The following FUT9 variants were observed in gnomAD, a reference collection of about 807,000 sequenced individuals.
The protein encoded by FUT9 is fucosyltransferase 9.
In FUT9, 15 loss-of-function variants were observed where a neutral mutation model predicts 29.7. The ratio of observed to expected loss-of-function variants is 0.51; its 90% CI spans 0.34 to 0.78. The LOEUF is 0.78. Among genes scored for constraint, FUT9 ranks in the 30% least tolerant of loss-of-function variants. The probability of loss-of-function intolerance (pLI) is 0.01; values close to 1 mark genes in which losing one functional copy is unlikely to be tolerated. For missense variants in FUT9, 319 were observed against 425.4 expected, an observed-to-expected ratio of 0.75 and a Z score of 2.20; for synonymous variants, 169 against 153.7, an observed-to-expected ratio of 1.10 and a Z score of -0.74.
Position 96,210,546 on chromosome 6 carries a change from A to T in FUT9, c.*6311A>T, listed in dbSNP as rs1773918363. 6.0e-6 allele frequency: 1 copy of T among 166,852 alleles called. No homozygotes were observed. The highest frequency in any genetic ancestry group is 1.5e-5 in the Non-Finnish European group (1 of 68,010). The allele number at this position is 166,852 out of a possible 1,614,324, so 10.3% of individuals were successfully genotyped here. A position where few individuals can be genotyped will look rare whatever the true frequency, so the allele number is the denominator to read the frequency against. On this transcript the variant is annotated 3_prime_UTR_variant, in exon 3 of 3. Coordinates refer to ENST00000302103, the MANE Select transcript of FUT9 (RefSeq NM_006581.4). ...ATACTAATGCAGGCATACCTCAGGA[A>T]ATCACCAGTTCTCGTCTTGGAGGAA... is the stretch of plus-strand genomic sequence containing the variant.
At chr6:96,127,013 C>A (rs973964081) in intron 2 of FUT9, among the ~76,000 whole-genome samples, 4 of 152,128 alleles carry the variant, frequency 2.6e-5, no homozygotes, top group African/African-American at 9.7e-5. Flanking sequence ...TTAATAATTT[C>A]TTTTGTTAAA....
chr6:96,055,479 A>G (rs543447693), intron 1 of FUT9, among the ~76,000 whole-genome samples: 2 of 151,656 alleles, frequency 1.3e-5, no homozygotes, highest in Non-Finnish European at 2.9e-5. Context: ...AGTATATGCA[A>G]TATCTGCTTT....
intron 1 of FUT9, among the ~76,000 whole-genome samples, chr6:96,026,617 T>C (rs1582178129): frequency 6.6e-6 from 1 of 151,668 alleles, no homozygotes; most frequent in East Asian, 1.9e-4. Flanking sequence ...CTTTATAGTT[T>C]GAAGGGTGTC....
In FUT9 at chr6:96,203,666, T is replaced by C. The variant is rs1253826272; in HGVS notation, c.511T>C (p.Leu171=). Residue 171 remains leucine (L), a synonymous_variant, in exon 3 of 3, where the codon TTG becomes CTG. Coordinates refer to ENST00000302103, the MANE Select transcript of FUT9 (RefSeq NM_006581.4). The part of the protein sequence containing the change: ...DSDIQVPYGF[L]TVSTNPFVFE... ...AGATATCCAAGTGCCTTATGGCTTC[T>C]TGACGGTAAGCACAAATCCCTTCGT... The C allele has an allele frequency of 1.2e-6, 2 of 1,613,952 alleles. No homozygotes were observed. The highest frequency in any genetic ancestry group is 1.7e-6 in the Non-Finnish European group (2 of 1,180,016).
chr6:96,114,935 G>A (rs1473815314), intron 2 of FUT9, among the ~76,000 whole-genome samples: 8 of 152,146 alleles, frequency 5.3e-5, no homozygotes, highest in Non-Finnish European at 1.0e-4. Flanking sequence ...AGGAGATGCT[G>A]TTCCCTAACA....
intron 1 of FUT9, among the ~76,000 whole-genome samples, chr6:96,103,756 T>C (rs1771629605): frequency 6.6e-6 from 1 of 152,242 alleles, no homozygotes. Flanking sequence ...CATCTTTTTC[T>C]TTCCATCTTT....
In FUT9 at chr6:96,122,661, A is replaced by G. The variant is rs190361609; in HGVS notation, c.-9+8534A>G. Among the ~76,000 whole-genome samples the G allele has an allele frequency of 3.1e-3, 473 of 152,166 alleles. 1 individual carries two copies. The highest frequency in any genetic ancestry group is 0.011 in the African/African-American group (444 of 41,510). The stretch of plus-strand genomic sequence containing the variant: ...ACCCTTTTCTTATCTTGGGTATTGG[A>G]TTGTACTTGAGTTTTCATATATATA... On this transcript the variant is annotated intron_variant, in intron 2 of 2. Coordinates refer to ENST00000302103, the MANE Select transcript of FUT9 (RefSeq NM_006581.4).
intron 2 of FUT9, among the ~76,000 whole-genome samples, chr6:96,173,896 T>A (rs891360917): frequency 6.6e-6 from 1 of 152,132 alleles, no homozygotes; most frequent in Non-Finnish European, 1.5e-5. Context: ...TAAAATTTTC[T>A]ATTAAAAAAC....
intron 1 of FUT9, among the ~76,000 whole-genome samples, chr6:96,070,591 G>A (rs1771042571): frequency 6.6e-6 from 1 of 152,104 alleles, no homozygotes; most frequent in Non-Finnish European, 1.5e-5. Context: ...GGAGGCTGAA[G>A]TGGGAGGATT....
chr6:96,068,503 A>C (rs1240176817), intron 1 of FUT9, among the ~76,000 whole-genome samples: 1 of 152,204 alleles, frequency 6.6e-6, no homozygotes, highest in Non-Finnish European at 1.5e-5. Flanking sequence ...TCTACAAATA[A>C]TTGTTATGAA....
At chr6:96,107,313 T>C (rs1582234739) in intron 1 of FUT9, among the ~76,000 whole-genome samples, 3 of 152,270 alleles carry the variant, frequency 2.0e-5, no homozygotes, top group Admixed American at 2.0e-4. Flanking sequence ...CCTAACATAA[T>C]AGGGATTCCA....
intron 1 of FUT9, among the ~76,000 whole-genome samples, chr6:96,042,944 C>T (rs1770490234): frequency 6.6e-6 from 1 of 152,232 alleles, no homozygotes. Context: ...TATCTGCCAT[C>T]AGTCTCTGGA....
intron 2 of FUT9, among the ~76,000 whole-genome samples, chr6:96,191,287 A>G (rs926126183): frequency 6.6e-6 from 1 of 152,160 alleles, no homozygotes; most frequent in Non-Finnish European, 1.5e-5. Flanking sequence ...CAATGAATCC[A>G]GGAGCTAGTT....
intron 2 of FUT9, among the ~76,000 whole-genome samples, chr6:96,127,201 A>T (rs375243866): frequency 1.5e-3 from 227 of 152,146 alleles, no homozygotes; most frequent in Middle Eastern, 6.8e-3. Flanking sequence ...TTCCACCCTC[A>T]AGTAGGCCCC....
At chr6:96,056,688 G>A (rs1245804997) in intron 1 of FUT9, among the ~76,000 whole-genome samples, 3 of 151,922 alleles carry the variant, frequency 2.0e-5, no homozygotes, top group African/African-American at 7.3e-5. Context: ...AGTTCGAGTA[G>A]GCAGAGCTAT....
rs907688238 is a variant in FUT9, at chr6:96,034,414, G to GA, written c.-98+18211dup. ...ACCAATATGAAATCAAACTGGCGGA[G>GA]AAAAAAAAAGCAGAAAAAATAAACA... On this transcript the variant is annotated intron_variant, in intron 1 of 2. Transcript: ENST00000302103. Among the ~76,000 whole-genome samples, 41 of 148,322 alleles carry GA rather than the reference G, an allele frequency of 2.8e-4. No individual in the cohort carries two copies. The South Asian group carries it at 4.5e-3, about 16-fold the overall frequency.
chr6:96,017,581 G>A (rs999994993), intron 1 of FUT9, among the ~76,000 whole-genome samples: 7 of 152,078 alleles, frequency 4.6e-5, no homozygotes, highest in Non-Finnish European at 8.8e-5. Flanking sequence ...TAATATTTTA[G>A]AGAAATGATG....
intron 1 of FUT9, among the ~76,000 whole-genome samples, chr6:96,106,594 A>T (rs953558523): frequency 1.6e-4 from 25 of 152,154 alleles, no homozygotes; most frequent in African/African-American, 6.0e-4. Flanking sequence ...GAGGATTTTA[A>T]CATGTAAGAT....
chr6:96,206,906 A>G lies in FUT9; in HGVS notation c.*2671A>G, dbSNP rs1330510494. The G allele has an allele frequency of 6.0e-6, 1 of 167,064 alleles. No homozygotes were observed. Among genetic ancestry groups the G allele is most frequent in the Non-Finnish European group, 1.5e-5 (1 of 68,130 alleles). The allele number at this position is 167,064 out of a possible 1,614,324, so 10.3% of individuals were successfully genotyped here. A position where few individuals can be genotyped will look rare whatever the true frequency, so the allele number is the denominator to read the frequency against. ...TGTCTCTATTGTTGACTACAAATGT[A>G]GGCTCTTTGTTGGACTATGACTATA... On this transcript the variant is annotated 3_prime_UTR_variant, in exon 3 of 3. Coordinates refer to ENST00000302103, the MANE Select transcript of FUT9 (RefSeq NM_006581.4).
Sources: gnomAD v4.1 joint callset for allele counts (sites outside exome capture counted in the v4.1 genomes callset) on GRCh38, gnomAD v4.1.1 for gene constraint, MANE v1.5 for transcripts, NCBI Gene and HGNC (gene_info 2026-07-23, HGNC 2026-07-21) for gene names.